The following SGSH variants were observed in gnomAD, a reference collection of about 807,000 sequenced individuals.
The protein encoded by SGSH is heparan sulfate sulfatase.
SGSH carries 48 observed loss-of-function variants against 51.0 expected under a neutral mutation model. That is an observed-to-expected ratio of 0.94 (90% confidence interval 0.75 to 1.20). The LOEUF is 1.20. SGSH is among the 50% of genes most tolerant of loss of function. The probability of loss-of-function intolerance (pLI) is 0.00; values close to 1 mark genes in which losing one functional copy is unlikely to be tolerated. For missense variants in SGSH, 662 were observed against 717.8 expected, an observed-to-expected ratio of 0.92 and a Z score of 0.89; for synonymous variants, 321 against 313.4, an observed-to-expected ratio of 1.02 and a Z score of -0.26.
Position 80,212,208 on chromosome 17 carries a change from G to T in SGSH, c.812C>A (p.Thr271Lys). The T allele has an allele frequency of 6.2e-7, 1 of 1,613,374 alleles. No individual in the cohort carries two copies. The highest frequency in any genetic ancestry group is 1.7e-5 in the Admixed American group (1 of 60,018). The change falls in exon 7 of 8, where the codon ACG becomes AAG. Residue 271 changes from threonine to lysine, a missense_variant. Coordinates refer to ENST00000326317, the MANE Select transcript of SGSH (RefSeq NM_000199.5). This position sits in a 1 kb window ranked among gnomAD's most constrained non-coding sequence, Gnocchi z 5.9. Reference sequence around the variant, plus strand: ...GGGGAAGGGGATCCCGTTGTCGGACGTGAAGATCACCAGTGTGTCGTTCAG... The same window carrying T: ...GGGGAAGGGGATCCCGTTGTCGGACTTGAAGATCACCAGTGTGTCGTTCAG... ...GVLNDTLVIF[T>K]SDNGIPFPSG...
downstream of SGSH, chr17:80,209,251 G>C (rs1012970181): frequency 4.4e-6 from 4 of 907,248 alleles, no homozygotes; most frequent in African/African-American, 7.2e-5. Context: ...AGCTGTTCTA[G>C]AATTCAGGTT....
At chr17:80,205,279 C>T (rs990859466), downstream of SGSH, 3 of 1,297,482 alleles carry the variant, frequency 2.3e-6, no homozygotes, top group Admixed American at 2.0e-5. Flanking sequence ...TCCCTCCTTC[C>T]TCCCCTTCCT....
At position 80,214,582 on chromosome 17, in the gene SGSH, C is replaced by T. The variant is rs755588300; in HGVS notation, c.506+33G>A. 1.1e-5 allele frequency: 18 copies of T among 1,604,398 alleles called. 1 individual carries two copies. In the Admixed American group the frequency reaches 2.9e-4, roughly 26 times the overall value. On this transcript the variant is annotated intron_variant, in intron 4 of 7. Transcript: ENST00000326317. ...CCGGGCTGTGCTCTGGTACCGGCCG[C>T]CAGGGGGAAGGGGCAGGGGCCCCGA...
downstream of SGSH, chr17:80,206,859 C>G: frequency 1.7e-6 from 1 of 593,056 alleles, no homozygotes; most frequent in Non-Finnish European, 2.9e-6. Context: ...CTGCCCAGCT[C>G]CTGCCCTGCC....
At chr17:80,208,658 G>A (rs1488434089), downstream of SGSH, 7 of 290,732 alleles carry the variant, frequency 2.4e-5, no homozygotes, top group East Asian at 1.2e-4. Flanking sequence ...CCCTAGAACC[G>A]GAGGCCCCGG....
At chr17:80,203,691 T>G, downstream of SGSH, 1 of 629,898 alleles carries the variant, frequency 1.6e-6, no homozygotes, top group Non-Finnish European at 2.8e-6. This position sits in a 1 kb window ranked among gnomAD's most constrained non-coding sequence, Gnocchi z 4.6. Flanking sequence ...AGCAAAGGGA[T>G]GTGTGGAGCT....
At position 80,212,689 on chromosome 17, in the gene SGSH, C is replaced by T. The variant is rs1172188527; in HGVS notation, c.746-415G>A. The T allele has an allele frequency of 9.6e-6, 3 of 313,998 alleles. No individual in the cohort carries two copies. The highest frequency in any genetic ancestry group is 1.9e-5 in the Non-Finnish European group (3 of 161,056). The allele number at this position is 313,998 out of a possible 1,614,324, so 19.5% of individuals were successfully genotyped here. ...GAGGACAAGGCTTCCTCTATACCCGCTCCTTCCCAGCTCACTAAGAATTAA... is the reference window on the plus strand; with the variant it reads ...GAGGACAAGGCTTCCTCTATACCCGTTCCTTCCCAGCTCACTAAGAATTAA... On this transcript the variant is annotated intron_variant, in intron 6 of 7. Transcript: ENST00000326317. The surrounding 1 kb of genome is among the most constrained non-coding windows in gnomAD (Gnocchi z 5.9).
At position 80,213,820 on chromosome 17, in the gene SGSH, G is replaced by C; in HGVS notation, c.729C>G (p.Val243=). 1 of 1,605,816 alleles carries C rather than the reference G, an allele frequency of 6.2e-7. No homozygotes were observed. The highest frequency in any genetic ancestry group is 8.5e-7 in the Non-Finnish European group (1 of 1,178,464). ...CAAGCCCACCTTGGTCCATGCGGCC[G>C]ACGGTGGTGTACTGAGCGGCCAGGT... ...RADLAAQYTT[V]GRMDQGVGLV... is the part of the protein sequence containing the mutation. Residue 243 remains valine (V), a synonymous_variant, in exon 6 of 8, where the codon GTC becomes GTG. Coordinates refer to ENST00000326317, the MANE Select transcript of SGSH (RefSeq NM_000199.5). This position sits in a 1 kb window ranked among gnomAD's most constrained non-coding sequence, Gnocchi z 4.6.
chr17:80,213,862 G>A lies in SGSH; in HGVS notation c.687C>T (p.Thr229=), dbSNP rs778017231. 1 of 1,608,772 alleles carries A rather than the reference G, an allele frequency of 6.2e-7. No individual in the cohort carries two copies. The highest frequency in any genetic ancestry group is 1.7e-5 in the Admixed American group (1 of 59,648). The change falls in exon 6 of 8, where the codon ACC becomes ACT. Residue 229 remains threonine (T), a synonymous_variant. Coordinates refer to ENST00000326317, the MANE Select transcript of SGSH (RefSeq NM_000199.5). This position sits in a 1 kb window ranked among gnomAD's most constrained non-coding sequence, Gnocchi z 4.6. ...CGGCCAGGTCGGCTCGGGCTGCCGGGGTGTTGGGGACGAAGTAAGGCACCT... is the reference window on the plus strand; with the variant it reads ...CGGCCAGGTCGGCTCGGGCTGCCGGAGTGTTGGGGACGAAGTAAGGCACCT... The part of the protein sequence containing the change: ...DVLVPYFVPN[T]PAARADLAAQ...
Position 80,210,595 on chromosome 17 carries a change from G to A in SGSH, c.1366C>T (p.Arg456Cys), listed in dbSNP as rs1204714323. Reference protein sequence around the residue: ...HETQNLATDPRFAQLLEMLRD... With the variant: ...HETQNLATDPCFAQLLEMLRD... The stretch of plus-strand genomic sequence containing the variant: ...AGCATCTCCAGAAGCTGAGCAAAGC[G>A]CGGGTCGGTGGCCAGGTTCTGGGTC... Residue 456 changes from arginine to cysteine, a missense_variant, in exon 8 of 8, where the codon CGC (arginine) becomes TGC (cysteine). Coordinates refer to ENST00000326317, the MANE Select transcript of SGSH (RefSeq NM_000199.5). 4.3e-6 allele frequency: 7 copies of A among 1,613,404 alleles called. No homozygotes were observed. Among genetic ancestry groups the A allele is most frequent in the East Asian group, 2.2e-5 (1 of 44,896 alleles).
chr17:80,203,807 T>A, downstream of SGSH: 1 of 1,561,010 alleles, frequency 6.4e-7, no homozygotes. The surrounding 1 kb of genome is among the most constrained non-coding windows in gnomAD (Gnocchi z 4.6). Context: ...TCAGGGCCTC[T>A]GCTGGTCTCT....
downstream of SGSH, among the ~76,000 whole-genome samples, chr17:80,206,349 C>T (rs1013772879): frequency 5.3e-5 from 8 of 152,124 alleles, 1 homozygote; most frequent in South Asian, 4.1e-4. Flanking sequence ...CACAGTGGCT[C>T]GCGCCTGTAA....
In SGSH at chr17:80,217,013, C is replaced by A. The variant is rs372274963; in HGVS notation, c.249+19G>T. 1 of 1,539,312 alleles carries A rather than the reference C, an allele frequency of 6.5e-7. No homozygotes were observed. The highest frequency in any genetic ancestry group is 2.0e-5 in the Admixed American group (1 of 51,220). Reference sequence around the variant, plus strand: ...GTCTACTCCCTGCCCACCCCCTCCTCCCGCCCCTTGCACCTCACCTGGGGC... The same window carrying A: ...GTCTACTCCCTGCCCACCCCCTCCTACCGCCCCTTGCACCTCACCTGGGGC... On this transcript the variant is annotated intron_variant, in intron 2 of 7. Coordinates refer to ENST00000326317, the MANE Select transcript of SGSH (RefSeq NM_000199.5).
downstream of SGSH, chr17:80,202,362 G>A (rs748083207): frequency 1.7e-5 from 28 of 1,613,234 alleles, no homozygotes; most frequent in South Asian, 6.6e-5. Context: ...TGCCCACCGC[G>A]TGAACTCTTA....
chr17:80,210,152 G>T lies in SGSH; in HGVS notation c.*300C>A. ...GGCTGGGGGCGCTGCCCTGTCCGCA[G>T]ACCACGTATGTCTAGAATTCCCGTG... On this transcript the variant is annotated 3_prime_UTR_variant, in exon 8 of 8. Transcript: ENST00000326317. 1 of 1,319,184 alleles carries T rather than the reference G, an allele frequency of 7.6e-7. No homozygotes were observed. Among genetic ancestry groups the T allele is most frequent in the Non-Finnish European group, 9.7e-7 (1 of 1,028,988 alleles). 81.7% of individuals were successfully genotyped at this position (1,319,184 alleles called of 1,614,324 possible). A position where few individuals can be genotyped will look rare whatever the true frequency, so the allele number is the denominator to read the frequency against.
chr17:80,212,166 A>AG lies in SGSH; in HGVS notation c.853dup (p.Leu285ProfsTer8). The AG allele has an allele frequency of 6.2e-7, 1 of 1,613,496 alleles. No individual in the cohort carries two copies. Among genetic ancestry groups the AG allele is most frequent in the African/African-American group, 1.3e-5 (1 of 75,032 alleles). ...GGGTTCAGCAGTGCCCGGCCAGTAC[A>AG]GGTTGGTCCTGCCGCTGGGGAAGGG... is the stretch of plus-strand genomic sequence containing the variant. On this transcript the variant is annotated frameshift_variant, in exon 7 of 8. Coordinates refer to ENST00000326317, the MANE Select transcript of SGSH (RefSeq NM_000199.5). LOFTEE classifies it high-confidence loss of function. The surrounding 1 kb of genome is among the most constrained non-coding windows in gnomAD (Gnocchi z 5.9).
chr17:80,202,479 C>A (rs922496637), downstream of SGSH: 6 of 1,575,726 alleles, frequency 3.8e-6, no homozygotes, highest in Non-Finnish European at 3.4e-6. Context: ...AAATGGCACC[C>A]AGCCTGCCTC....
chr17:80,210,878 G>A lies in SGSH; in HGVS notation c.1083C>T (p.Val361=). 1 of 1,613,198 alleles carries A rather than the reference G, an allele frequency of 6.2e-7. No individual in the cohort carries two copies. The change falls in exon 8 of 8, where the codon GTC becomes GTT. Residue 361 remains valine (V), a synonymous_variant. Transcript: ENST00000326317. ...ALEAEPLWAT[V]FGSQSHHEVT... Reference sequence around the variant, plus strand: ...CCTCGTGGTGGCTCTGGCTGCCAAAGACGGTGGCCCAGAGGGGCTCGGCCT... The same window carrying A: ...CCTCGTGGTGGCTCTGGCTGCCAAAAACGGTGGCCCAGAGGGGCTCGGCCT...
downstream of SGSH, chr17:80,205,206 G>A (rs775550710): frequency 1.9e-6 from 3 of 1,609,162 alleles, no homozygotes; most frequent in African/African-American, 4.0e-5. Flanking sequence ...TGCCTGGCAG[G>A]TATGCTGTTG....
Sources: allele counts gnomAD v4.1 joint callset (sites outside exome capture counted in the v4.1 genomes callset), GRCh38; gene constraint gnomAD v4.1.1; non-coding constraint Gnocchi (gnomAD v3.1); transcripts MANE v1.5; gene names NCBI Gene and HGNC (gene_info 2026-07-23, HGNC 2026-07-21).